Variants in UBTF observed in about 807,000 individuals in gnomAD.
The protein encoded by UBTF is nucleolar transcription factor 1.
In UBTF, 8 loss-of-function variants were observed where a neutral mutation model predicts 112.3. The ratio of observed to expected loss-of-function variants is 0.07; its 90% CI spans 0.04 to 0.13. The LOEUF (loss-of-function observed/expected upper bound fraction) is 0.13. Among genes scored for constraint, UBTF ranks in the 10% least tolerant of loss-of-function variants. UBTF has a pLI of 1.00. For missense variants in UBTF, 457 were observed against 982.1 expected (o/e 0.47, Z 7.15); for synonymous variants, 417 against 373.1 (o/e 1.12, Z -1.36).
chr17:44,217,317 T>C (rs1264103170), intron 2 of UBTF, among the ~76,000 whole-genome samples: 4 of 152,126 alleles, frequency 2.6e-5, no homozygotes, highest in Non-Finnish European at 4.4e-5. Context: ...AGAAGCAGGA[T>C]ACAGGGCAGC....
chr17:44,212,357 C>T lies in UBTF; in HGVS notation c.758G>A (p.Arg253Gln), dbSNP rs1598243221. The change falls in exon 8 of 21, where the codon CGG (arginine) becomes CAG (glutamine). Residue 253 changes from arginine (R) to glutamine (Q), a missense_variant. Coordinates refer to ENST00000436088, the MANE Select transcript of UBTF (RefSeq NM_014233.4). ...LKWIHKALEQRKEYEEIMRDY... is the reference protein window; with the variant it reads ...LKWIHKALEQQKEYEEIMRDY... ...CGGAAGCCTAACCTCGTACTCCTTC[C>T]GCTGCTCCAGGGCCTTATGAATCCA... 1.2e-6 allele frequency: 2 copies of T among 1,613,128 alleles called. No individual in the cohort carries two copies. Among genetic ancestry groups the T allele is most frequent in the Non-Finnish European group, 1.7e-6 (2 of 1,179,828 alleles).
upstream of UBTF, among the ~76,000 whole-genome samples, chr17:44,220,308 G>C (rs955010917): frequency 9.9e-5 from 15 of 151,894 alleles, no homozygotes; most frequent in Non-Finnish European, 4.4e-5. Flanking sequence ...CTGCTCCGGA[G>C]CTCTCCCCCA....
chr17:44,217,828 C>G (rs2046923567), intron 2 of UBTF, among the ~76,000 whole-genome samples: 1 of 152,166 alleles, frequency 6.6e-6, no homozygotes, highest in South Asian at 2.1e-4. Context: ...GAGAAGCCTT[C>G]CCCAACCCCT....
intron 1 of UBTF, among the ~76,000 whole-genome samples, 168 bp downstream of exon 1, chr17:44,219,277 C>T (rs2047038050): frequency 6.6e-6 from 1 of 151,054 alleles, no homozygotes; most frequent in African/African-American, 2.4e-5. Flanking sequence ...CGCTTCCTGC[C>T]TTCCCCTCCC....
At position 44,207,179 on chromosome 17, in the gene UBTF, G is replaced by A; in HGVS notation, c.*63C>T. Reference sequence around the variant, plus strand: ...GGACAGAACATGGGGGAGAAACAAAGGTGGTCAGTTGGGGAGGGGAGCTCC... The same window carrying A: ...GGACAGAACATGGGGGAGAAACAAAAGTGGTCAGTTGGGGAGGGGAGCTCC... On this transcript the variant is annotated 3_prime_UTR_variant, in exon 21 of 21. Transcript: ENST00000436088. 6.3e-7 allele frequency: 1 copy of A among 1,588,352 alleles called. No individual in the cohort carries two copies. The highest frequency in any genetic ancestry group is 8.6e-7 in the Non-Finnish European group (1 of 1,160,348).
intron 15 of UBTF, 30 bp downstream of exon 15, chr17:44,210,094 T>C (rs753947149): frequency 6.8e-6 from 11 of 1,610,278 alleles, no homozygotes; most frequent in Non-Finnish European, 9.3e-6. Context: ...GAGCTTTCAA[T>C]GAATGGGGTG....
upstream of UBTF, chr17:44,221,007 GC>G (rs990159757): frequency 2.0e-5 from 3 of 150,808 alleles, no homozygotes; most frequent in Non-Finnish European, 4.4e-5. Flanking sequence ...CGCCTCCCGG[GC>G]CACCCCGGCC....
At chr17:44,210,548 G>A (rs1201325952) in intron 13 of UBTF, 75 bp from the exon 14 acceptor site, 27 of 1,461,420 alleles carry the variant, frequency 1.8e-5, no homozygotes, top group Non-Finnish European at 2.3e-5. Context: ...CAGCCCAGGC[G>A]CTCCCGCCGG....
intron 7 of UBTF, 140 bp from the exon 8 acceptor site, chr17:44,212,594 G>T: frequency 9.7e-7 from 1 of 1,030,248 alleles, no homozygotes; most frequent in Non-Finnish European, 1.4e-6. Context: ...GGAGGGGAAG[G>T]CGGAGAGGCG....
In UBTF at chr17:44,209,738, A is replaced by AGGGAG. The variant is rs970060655; in HGVS notation, c.1627-10_1627-6dup. On this transcript the variant is annotated splice_region_variant and splice_polypyrimidine_tract_variant and intron_variant, in intron 15 of 20. Transcript: ENST00000436088. ...CCGCATCTCACTCAGCTCTCTCTGG[A>AGGGAG]GGGAGAAAGGTCACGCTCACCCCCC... 3 of 1,613,688 alleles carry AGGGAG rather than the reference A, an allele frequency of 1.9e-6. No homozygotes were observed. The highest frequency in any genetic ancestry group is 3.3e-5 in the Admixed American group (2 of 59,976).
chr17:44,218,456 C>T lies in UBTF; in HGVS notation c.-67-160G>A, dbSNP rs563238330. On this transcript the variant is annotated intron_variant, in intron 1 of 20. Coordinates refer to ENST00000436088, the MANE Select transcript of UBTF (RefSeq NM_014233.4). The stretch of plus-strand genomic sequence containing the variant: ...TCTATGGGAATGGGAGTGCGCCCCT[C>T]CTCTTCCTCGTGACCCCCTCCCCCA... 5.0e-5 allele frequency: 26 copies of T among 525,006 alleles called. 1 individual carries two copies. In the East Asian group the frequency reaches 9.3e-4, roughly 19 times the overall value. 32.5% of individuals were successfully genotyped at this position (525,006 alleles called of 1,614,324 possible).
chr17:44,214,400 C>T (rs148883298), intron 5 of UBTF, among the ~76,000 whole-genome samples: 5 of 152,320 alleles, frequency 3.3e-5, no homozygotes, highest in African/African-American at 1.2e-4. Flanking sequence ...TACCAAAGGC[C>T]CCATACACAG....
intron 13 of UBTF, 32 bp downstream of exon 13, chr17:44,210,760 T>A (rs2526011): frequency 1.3e-6 from 2 of 1,551,900 alleles, no homozygotes; most frequent in East Asian, 2.4e-5. Flanking sequence ...GCAGCCCCCC[T>A]GGGGGCACAG....
chr17:44,209,763 C>A (rs367897741), intron 15 of UBTF, 30 bp from the exon 16 acceptor site: 7 of 1,606,412 alleles, frequency 4.4e-6, no homozygotes, highest in East Asian at 2.2e-5. Context: ...GCTCACCCCC[C>A]AGTCCCACCC....
upstream of UBTF, chr17:44,219,852 C>A: frequency 6.7e-6 from 1 of 150,336 alleles, no homozygotes; most frequent in South Asian, 2.0e-4. Flanking sequence ...CGTCCTTCCC[C>A]GTAGAGCGCA....
chr17:44,210,993 C>G, intron 12 of UBTF, 46 bp from the exon 13 acceptor site: 1 of 1,600,082 alleles, frequency 6.2e-7, no homozygotes, highest in Non-Finnish European at 8.5e-7. Flanking sequence ...TGCCAGGGAG[C>G]CCAGTCTTGC....
upstream of UBTF, among the ~76,000 whole-genome samples, chr17:44,219,964 G>A (rs1014079409): frequency 6.6e-6 from 1 of 150,776 alleles, no homozygotes; most frequent in Non-Finnish European, 1.5e-5. Flanking sequence ...CTGGGAGGAG[G>A]GGCGGGAGCT....
intron 1 of UBTF, chr17:44,219,095 C>T (rs1297336396): frequency 6.7e-6 from 1 of 150,318 alleles, no homozygotes; most frequent in Non-Finnish European, 1.5e-5. Flanking sequence ...GGCGCCCCCG[C>T]CCCGGCCTCC....
intron 5 of UBTF, among the ~76,000 whole-genome samples, chr17:44,214,266 C>G (rs1261267286): frequency 6.6e-6 from 1 of 152,214 alleles, no homozygotes; most frequent in African/African-American, 2.4e-5. Context: ...AAACCAGAAG[C>G]AGAGCTCAGC....
Sources: allele counts gnomAD v4.1 joint callset (sites outside exome capture counted in the v4.1 genomes callset), GRCh38; gene constraint gnomAD v4.1.1; transcripts MANE v1.5; gene names NCBI Gene and HGNC (gene_info 2026-07-23, HGNC 2026-07-21).